Variants in SRRM4 observed in about 807,000 individuals in gnomAD.
The protein encoded by SRRM4 is serine/arginine repetitive matrix 4.
Under a neutral mutation model 68.9 loss-of-function variants are expected in SRRM4, and 33 were observed. That is an observed-to-expected ratio of 0.48 (90% CI 0.36 to 0.64). The LOEUF (loss-of-function observed/expected upper bound fraction) is 0.64. Among genes scored for constraint, SRRM4 ranks in the 30% least tolerant of loss-of-function variants. SRRM4 has a pLI of 0.00. For synonymous variants in SRRM4, 318 were observed against 318.8 expected (o/e 1.00, Z 0.03); for missense variants, 817 against 827.1 (o/e 0.99, Z 0.15).
rs561883590 is a variant in SRRM4 at position 119,074,097 on chromosome 12, A to T, written c.132-28139A>T. Among the ~76,000 whole-genome samples the T allele has an allele frequency of 2.9e-4, 28 of 96,948 alleles. No homozygotes were observed. In the East Asian group the frequency reaches 5.6e-3, roughly 20 times the overall value. 63.6% of individuals were successfully genotyped at this position (96,948 alleles called of 152,430 possible). A position where few individuals can be genotyped will look rare whatever the true frequency, so the allele number is the denominator to read the frequency against. On this transcript the variant is annotated intron_variant, in intron 1 of 12. Transcript: ENST00000267260. ...GCCAATGGTGGTGGTGGTGATGGCA[A>T]GGGGTGGCAGTTTCAGATATTATGA...
intron 1 of SRRM4, among the ~76,000 whole-genome samples, chr12:119,051,933 C>A (rs1434157904): frequency 6.6e-6 from 1 of 152,198 alleles, no homozygotes; most frequent in African/African-American, 2.4e-5. Flanking sequence ...ACCTAGGTAA[C>A]CATGGGCAAG....
intron 3 of SRRM4, among the ~76,000 whole-genome samples, chr12:119,115,406 G>A (rs957219739): frequency 6.6e-6 from 1 of 152,128 alleles, no homozygotes; most frequent in Admixed American, 6.6e-5. Context: ...CTCCAGAGGG[G>A]CAGGCTTAAA....
At position 119,154,313 on chromosome 12, in the gene SRRM4, CGGTCCT is replaced by C; in HGVS notation, c.1463_1468del (p.Arg488_Tyr490delinsHis). 6.2e-7 allele frequency: 1 copy of C among 1,612,518 alleles called. No individual in the cohort carries two copies. Among genetic ancestry groups the C allele is most frequent in the Non-Finnish European group, 8.5e-7 (1 of 1,179,460 alleles). On this transcript the variant is annotated inframe_deletion, in exon 12 of 13. Coordinates refer to ENST00000267260, the MANE Select transcript of SRRM4 (RefSeq NM_194286.4). The surrounding 1 kb of genome is among the most constrained non-coding windows in gnomAD (Gnocchi z 4.7). ...GCGCGAGCGAGCGCGTCGGAGACGT[CGGTCCT>C]ACTCGCCTATGAGAAAGCGCCGGAG...
chr12:119,129,554 A>G (rs910261454), intron 7 of SRRM4, among the ~76,000 whole-genome samples: 2 of 152,230 alleles, frequency 1.3e-5, no homozygotes, highest in Non-Finnish European at 2.9e-5. Context: ...AACACATGGA[A>G]ACACAGATGG....
chr12:119,133,821 C>A (rs759014748), intron 8 of SRRM4, among the ~76,000 whole-genome samples: 23 of 152,148 alleles, frequency 1.5e-4, no homozygotes, highest in Non-Finnish European at 2.8e-4. Context: ...AAAGAAATAG[C>A]CTGTGCCTTC....
chr12:119,037,852 T>G (rs1253283478), intron 1 of SRRM4, among the ~76,000 whole-genome samples: 1 of 152,246 alleles, frequency 6.6e-6, no homozygotes, highest in East Asian at 1.9e-4. Context: ...ATACGTAAAT[T>G]TGAATAATAG....
chr12:119,099,458 A>AT (rs1487187017), intron 1 of SRRM4, among the ~76,000 whole-genome samples: 1 of 125,778 alleles, frequency 8.0e-6, no homozygotes, highest in Non-Finnish European at 1.8e-5. Context: ...TATGTTAACA[A>AT]TTTTTGAACT....
intron 1 of SRRM4, among the ~76,000 whole-genome samples, chr12:119,058,051 G>A (rs1592880479): frequency 6.6e-6 from 1 of 152,204 alleles, no homozygotes; most frequent in East Asian, 1.9e-4. Flanking sequence ...AGATGGGGAA[G>A]GGAGTTCCTG....
At chr12:119,103,658 T>C (rs936685249) in intron 2 of SRRM4, among the ~76,000 whole-genome samples, 4 of 152,174 alleles carry the variant, frequency 2.6e-5, no homozygotes, top group Non-Finnish European at 5.9e-5. Flanking sequence ...GTTTCCATGA[T>C]AGGCAGAGGG....
chr12:119,127,935 C>A (rs7316343), intron 7 of SRRM4, among the ~76,000 whole-genome samples: 2 of 151,868 alleles, frequency 1.3e-5, no homozygotes, highest in Non-Finnish European at 1.5e-5. Context: ...TTCGGCTGCC[C>A]TTTTCAATCA....
At chr12:119,086,021 C>T (rs888533113) in intron 1 of SRRM4, among the ~76,000 whole-genome samples, 16 of 152,086 alleles carry the variant, frequency 1.1e-4, no homozygotes, top group Admixed American at 3.9e-4. Context: ...ACTCAAGCCT[C>T]TTTAGGAAAA....
chr12:119,046,210 G>T (rs1348037105), intron 1 of SRRM4, among the ~76,000 whole-genome samples: 2 of 152,082 alleles, frequency 1.3e-5, no homozygotes, highest in Non-Finnish European at 2.9e-5. Context: ...GGGAGCAGTG[G>T]TCCTATCTTC....
At chr12:119,014,291 G>A (rs1372040609) in intron 1 of SRRM4, among the ~76,000 whole-genome samples, 10 of 151,872 alleles carry the variant, frequency 6.6e-5, no homozygotes, top group Admixed American at 3.3e-4. Flanking sequence ...GTTTGTTTCC[G>A]ATGAGTACAG....
At chr12:119,026,352 A>G (rs1244133573) in intron 1 of SRRM4, among the ~76,000 whole-genome samples, 1 of 151,858 alleles carries the variant, frequency 6.6e-6, no homozygotes, top group African/African-American at 2.4e-5. Flanking sequence ...AAGTTATATT[A>G]AGGAGGCAAA....
At chr12:119,101,269 G>C (rs1954076409) in intron 1 of SRRM4, among the ~76,000 whole-genome samples, 1 of 152,148 alleles carries the variant, frequency 6.6e-6, no homozygotes, top group Non-Finnish European at 1.5e-5. Context: ...TCCTAGTTAA[G>C]AGCCAGGAAC....
In SRRM4 at chr12:118,988,155, C is replaced by T. The variant is rs147811664; in HGVS notation, c.131+6142C>T. Among the ~76,000 whole-genome samples, 579 of 151,984 alleles carry T rather than the reference C, an allele frequency of 3.8e-3. 5 individuals are homozygous for T. Among genetic ancestry groups the T allele is most frequent in the African/African-American group, 0.013 (548 of 41,474 alleles). ...AAAAAAAACAGCGAAGGGAGAGACC[C>T]TTAATGAAGCATGGAGTCCCTTGCT... On this transcript the variant is annotated intron_variant, in intron 1 of 12. Transcript: ENST00000267260.
At chr12:119,030,623 C>A (rs758805520) in intron 1 of SRRM4, among the ~76,000 whole-genome samples, 1 of 152,146 alleles carries the variant, frequency 6.6e-6, no homozygotes, top group African/African-American at 2.4e-5. Flanking sequence ...TTTCTCTATG[C>A]ATATCTGTAT....
chr12:118,981,960 C>A lies in SRRM4; in HGVS notation c.78C>A (p.Pro26=), dbSNP rs373485495. The A allele has an allele frequency of 2.4e-5, 39 of 1,612,354 alleles. No individual in the cohort carries two copies. In the African/African-American group the frequency reaches 3.6e-4, roughly 15 times the overall value. Reference sequence around the variant, plus strand: ...GAACCTTCAAAGCGGTGGCCACCCCCCGTCCCGAGAGCATCATTGTCGCCA... The same window carrying A: ...GAACCTTCAAAGCGGTGGCCACCCCACGTCCCGAGAGCATCATTGTCGCCA... ...WRGTFKAVAT[P]RPESIIVASI... is the part of the protein sequence containing the mutation. The change falls in exon 1 of 13, where the codon CCC becomes CCA. Residue 26 remains proline (P), a synonymous_variant. Coordinates refer to ENST00000267260, the MANE Select transcript of SRRM4 (RefSeq NM_194286.4).
chr12:119,039,366 A>G (rs773599629), intron 1 of SRRM4, among the ~76,000 whole-genome samples: 20 of 152,244 alleles, frequency 1.3e-4, no homozygotes, highest in Non-Finnish European at 2.4e-4. Flanking sequence ...TCCCTGAGTG[A>G]TGGAATTATA....
Sources: gnomAD v4.1 joint callset for allele counts (sites outside exome capture counted in the v4.1 genomes callset) on GRCh38, gnomAD v4.1.1 for gene constraint, Gnocchi (gnomAD v3.1) non-coding constraint, MANE v1.5 for transcripts, NCBI Gene and HGNC (gene_info 2026-07-23, HGNC 2026-07-21) for gene names.